Variants in NADK observed in about 807,000 individuals in gnomAD.
NADK encodes the protein poly(P)/ATP NAD kinase.
Under a neutral mutation model 49.8 loss-of-function variants are expected in NADK, and 22 were observed. That is an observed-to-expected ratio of 0.44 (90% CI 0.32 to 0.63). The LOEUF (loss-of-function observed/expected upper bound fraction) is 0.63. Ranked by LOEUF, NADK falls within the 30% of genes least tolerant of loss-of-function variation. NADK has a pLI of 0.06. For synonymous variants in NADK, 268 were observed against 253.7 expected (o/e 1.06, Z -0.54); for missense variants, 438 against 609.4 (o/e 0.72, Z 2.96).
In NADK at chr1:1,753,036, G is replaced by A. The variant is rs746280889; in HGVS notation, c.1209C>T (p.Tyr403=). Residue 403 remains tyrosine, a synonymous_variant, in exon 12 of 12, where the codon TAC becomes TAT. Transcript: ENST00000341426. ...GDSISITTSC[Y]PLPSICVRDP... is the part of the protein sequence containing the mutation. The stretch of plus-strand genomic sequence containing the variant: ...CCCGCACACAGATGGAGGGGAGCGG[G>A]TAGCATGAGGTAGTGATGCTGATGC... 1.9e-6 allele frequency: 3 copies of A among 1,610,816 alleles called. 1 individual carries two copies. The South Asian group carries it at 3.3e-5, about 18-fold the overall frequency.
At chr1:1,765,567 C>T (rs1645861111) in intron 1 of NADK, 121 bp from the exon 2 acceptor site, 1 of 494,744 alleles carries the variant, frequency 2.0e-6, no homozygotes. Context: ...TCCAATTTAC[C>T]AAAGTACTTT....
intron 3 of NADK, 106 bp downstream of exon 3, chr1:1,761,846 C>G: frequency 1.0e-6 from 1 of 985,744 alleles, no homozygotes. Context: ...CACAACTCCA[C>G]ACACATCCCG....
intron 3 of NADK, chr1:1,758,396 C>G (rs762006506): frequency 1.2e-6 from 2 of 1,611,434 alleles, no homozygotes; most frequent in Admixed American, 3.3e-5. Flanking sequence ...GGCGTGGGGT[C>G]ACTCATGCCA....
chr1:1,774,608 G>C (rs1351255431), intron 1 of NADK, among the ~76,000 whole-genome samples: 1 of 150,098 alleles, frequency 6.7e-6, no homozygotes, highest in South Asian at 2.1e-4. Context: ...GCCACTGCGC[G>C]CGGCCACCAT....
rs1250552377 is a variant in NADK, at chr1:1,754,002, CGGGG to C, written c.1101+45_1101+48del. Reference sequence around the variant, plus strand: ...TGCTAGGTCCCGGCTTTGTGTTGCACGGGGTCAAATGACTCACAAACCGGAAAAG... The same window carrying C: ...TGCTAGGTCCCGGCTTTGTGTTGCACTCAAATGACTCACAAACCGGAAAAG... On this transcript the variant is annotated intron_variant, in intron 10 of 11. Transcript: ENST00000341426. The surrounding 1 kb of genome is among the most constrained non-coding windows in gnomAD (Gnocchi z 4.3). 6.5e-7 allele frequency: 1 copy of C among 1,528,124 alleles called. No homozygotes were observed. The highest frequency in any genetic ancestry group is 1.3e-5 in the South Asian group (1 of 78,632). The allele number at this position is 1,528,124 out of a possible 1,614,324, so 94.7% of individuals were successfully genotyped here.
At chr1:1,758,404 C>A in intron 3 of NADK, 2 of 1,611,686 alleles carry the variant, frequency 1.2e-6, no homozygotes, top group Non-Finnish European at 1.7e-6. Context: ...GTCACTCATG[C>A]CATCCCCTAT....
chr1:1,765,489 A>G, intron 1 of NADK, 43 bp from the exon 2 acceptor site: 1 of 999,234 alleles, frequency 1.0e-6, no homozygotes, highest in South Asian at 2.3e-5. Flanking sequence ...GTAAATAAAT[A>G]TGTATGAAAC....
rs1221443539 is a variant in NADK, at chr1:1,762,307, C to G, written c.180-272G>C. On this transcript the variant is annotated intron_variant, in intron 2 of 11. Transcript: ENST00000341426. ...GCTTCAGCCCAAACAAGGAAAATGC[C>G]AGGGCCAGGGCCAGCCTGGGATCAG... Among the ~76,000 whole-genome samples, 5 of 152,192 alleles carry G rather than the reference C, an allele frequency of 3.3e-5. 1 individual carries two copies. Among genetic ancestry groups the G allele is most frequent in the Non-Finnish European group, 7.3e-5 (5 of 68,034 alleles).
intron 1 of NADK, among the ~76,000 whole-genome samples, chr1:1,766,578 T>C (rs1224147332): frequency 6.6e-6 from 1 of 152,014 alleles, no homozygotes; most frequent in Admixed American, 6.6e-5. Flanking sequence ...ACTCCATGCC[T>C]TGCATCGTGA....
At chr1:1,779,226 C>G (rs1208232354), upstream of NADK, 1 of 152,524 alleles carries the variant, frequency 6.6e-6, no homozygotes. Flanking sequence ...GTGTTTTGCG[C>G]ACCCCACAGG....
intron 6 of NADK, 75 bp downstream of exon 6, chr1:1,756,177 TGGAAGC>T: frequency 1.5e-6 from 2 of 1,316,142 alleles, no homozygotes; most frequent in South Asian, 2.4e-5. Context: ...TGAAAAGCAA[TGGAAGC>T]CATGCTTGTG....
chr1:1,771,138 T>A (rs1414141899), intron 1 of NADK, among the ~76,000 whole-genome samples: 1 of 148,570 alleles, frequency 6.7e-6, no homozygotes, highest in African/African-American at 2.5e-5. Flanking sequence ...TACATATATA[T>A]GATCTATAAT....
chr1:1,772,859 C>G (rs2100376659), intron 1 of NADK, among the ~76,000 whole-genome samples: 1 of 151,732 alleles, frequency 6.6e-6, no homozygotes, highest in Non-Finnish European at 1.5e-5. Context: ...GACCAACATG[C>G]AGAAACCGCG....
intron 1 of NADK, among the ~76,000 whole-genome samples, chr1:1,769,509 C>T (rs996877810): frequency 3.3e-5 from 5 of 152,006 alleles, no homozygotes; most frequent in African/African-American, 9.7e-5. Flanking sequence ...CGATATCGCG[C>T]CATGGCACTC....
chr1:1,775,881 G>A (rs1646196596), intron 1 of NADK, among the ~76,000 whole-genome samples: 2 of 152,210 alleles, frequency 1.3e-5, no homozygotes, highest in African/African-American at 4.8e-5. Flanking sequence ...ACAGAGAGTA[G>A]AAATGAAATC....
At chr1:1,762,849 G>C (rs1050813022) in intron 2 of NADK, among the ~76,000 whole-genome samples, 2 of 152,268 alleles carry the variant, frequency 1.3e-5, no homozygotes, top group Admixed American at 6.5e-5. Context: ...AACATGGCCA[G>C]GTCACAGTTA....
In NADK at chr1:1,752,762, G is replaced by A. The variant is rs1645364790; in HGVS notation, c.*142C>T. Reference sequence around the variant, plus strand: ...AAAAAACAGCTGATCTGGACAAAAGGCAGACCCAGGCTCTAACCCAGCTAC... The same window carrying A: ...AAAAAACAGCTGATCTGGACAAAAGACAGACCCAGGCTCTAACCCAGCTAC... On this transcript the variant is annotated 3_prime_UTR_variant, in exon 12 of 12. Transcript: ENST00000341426. The A allele has an allele frequency of 5.2e-6, 5 of 968,354 alleles. No homozygotes were observed. The highest frequency in any genetic ancestry group is 7.7e-6 in the Non-Finnish European group (5 of 652,190). The allele number at this position is 968,354 out of a possible 1,614,324, so 60.0% of individuals were successfully genotyped here.
intron 1 of NADK, among the ~76,000 whole-genome samples, chr1:1,776,408 C>T (rs1646211108): frequency 6.6e-6 from 1 of 152,076 alleles, no homozygotes; most frequent in Admixed American, 6.6e-5. Context: ...TGTTTTGGAA[C>T]CAAACAGCAG....
Position 1,754,369 on chromosome 1 carries a change from C to G in NADK, c.858G>C (p.Val286=). The G allele has an allele frequency of 6.2e-7, 1 of 1,613,928 alleles. No individual in the cohort carries two copies. The highest frequency in any genetic ancestry group is 8.5e-7 in the Non-Finnish European group (1 of 1,179,936). ...AGGAGGAGGGGCCTCTGTCAATCAC[C>G]ACCTCATTCAGGACCTGGAGGGGCG... ...QAMQYQVLNE[V]VIDRGPSSYL... is the part of the protein sequence containing the mutation. The change falls in exon 9 of 12, where the codon GTG becomes GTC. Residue 286 remains valine, a synonymous_variant. Transcript: ENST00000341426. The surrounding 1 kb of genome is among the most constrained non-coding windows in gnomAD (Gnocchi z 4.3).
Sources: gnomAD v4.1 joint callset for allele counts (sites outside exome capture counted in the v4.1 genomes callset) on GRCh38, gnomAD v4.1.1 for gene constraint, Gnocchi (gnomAD v3.1) non-coding constraint, MANE v1.5 for transcripts, NCBI Gene and HGNC (gene_info 2026-07-23, HGNC 2026-07-21) for gene names.